Variants in C8orf34 observed in about 807,000 individuals in gnomAD.
C8orf34 encodes the protein uncharacterized protein C8orf34.
C8orf34 carries 65 observed loss-of-function variants against 68.3 expected under a neutral mutation model. The ratio of observed to expected loss-of-function variants is 0.95; its 90% confidence interval spans 0.78 to 1.17. The LOEUF (loss-of-function observed/expected upper bound fraction) is 1.17, where lower values mean the gene tolerates loss of function less well. Among genes scored for constraint, C8orf34 ranks in the 50% most tolerant of loss-of-function variants. C8orf34 has a pLI of 0.00. For missense variants in C8orf34, 664 were observed against 655.4 expected (o/e 1.01, Z -0.14); for synonymous variants, 244 against 241.2 (o/e 1.01, Z -0.11).
intron 1 of C8orf34, among the ~76,000 whole-genome samples, chr8:68,356,960 G>A (rs1224078161): frequency 6.6e-6 from 1 of 151,992 alleles, no homozygotes. Context: ...CATTTTATTT[G>A]TCTGTACATT....
Position 68,552,995 on chromosome 8 carries a change from A to G in C8orf34, c.1105+19846A>G, listed in dbSNP as rs1013386231. Among the ~76,000 whole-genome samples the G allele has an allele frequency of 2.0e-5, 3 of 152,244 alleles. No individual in the cohort carries two copies. In the South Asian group the frequency reaches 6.2e-4, roughly 32 times the overall value. Reference sequence around the variant, plus strand: ...GTTGAGGACTTTTGTATCTACGTCTATAAGAGATATTGTTGTTTTGTTTTA... The same window carrying G: ...GTTGAGGACTTTTGTATCTACGTCTGTAAGAGATATTGTTGTTTTGTTTTA... On this transcript the variant is annotated intron_variant, in intron 7 of 13. Coordinates refer to ENST00000518698, the MANE Select transcript of C8orf34 (RefSeq NM_052958.4).
At chr8:68,667,443 T>G (rs1819875044) in intron 8 of C8orf34, among the ~76,000 whole-genome samples, 1 of 152,172 alleles carries the variant, frequency 6.6e-6, no homozygotes, top group Non-Finnish European at 1.5e-5. Flanking sequence ...TACAGATTGT[T>G]TTTCACTTCT....
At chr8:68,569,790 C>T (rs537656269) in intron 7 of C8orf34, among the ~76,000 whole-genome samples, 3 of 152,178 alleles carry the variant, frequency 2.0e-5, no homozygotes, top group African/African-American at 4.8e-5. Flanking sequence ...AAACATACTA[C>T]GTTTACCTCA....
intron 8 of C8orf34, among the ~76,000 whole-genome samples, chr8:68,681,233 A>G (rs1820360221): frequency 6.6e-6 from 1 of 152,194 alleles, no homozygotes; most frequent in African/African-American, 2.4e-5. Context: ...AGTGGTCCTG[A>G]GGTGATGTAT....
At chr8:68,448,651 A>G (rs1436038368) in intron 3 of C8orf34, among the ~76,000 whole-genome samples, 3 of 152,140 alleles carry the variant, frequency 2.0e-5, no homozygotes, top group African/African-American at 7.2e-5. Flanking sequence ...AGATTGGAAA[A>G]ATAGAAATTG....
intron 12 of C8orf34, among the ~76,000 whole-genome samples, chr8:68,813,382 T>A (rs1009258321): frequency 4.6e-5 from 7 of 151,904 alleles, no homozygotes; most frequent in Non-Finnish European, 8.8e-5. Flanking sequence ...TTTTTTTTTT[T>A]ATTCTCTGTT....
Position 68,527,223 on chromosome 8 carries a change from G to C in C8orf34, c.938+5252G>C, listed in dbSNP as rs145024063. Among the ~76,000 whole-genome samples the C allele has an allele frequency of 8.5e-3, 1,299 of 152,182 alleles. 8 individuals are homozygous for C. The highest frequency in any genetic ancestry group is 0.017 in the South Asian group (81 of 4,820). On this transcript the variant is annotated intron_variant, in intron 6 of 13. Transcript: ENST00000518698. ...ACATAATGATATTAATTACCACTTAGAGGCTGCTCTATGTGCTTTGCATAT... is the reference window on the plus strand; with the variant it reads ...ACATAATGATATTAATTACCACTTACAGGCTGCTCTATGTGCTTTGCATAT...
At chr8:68,659,708 T>C (rs547580783) in intron 8 of C8orf34, among the ~76,000 whole-genome samples, 4 of 152,094 alleles carry the variant, frequency 2.6e-5, no homozygotes, top group Non-Finnish European at 5.9e-5. Context: ...CTTAAAAGAT[T>C]ACTTCAGTTT....
At chr8:68,583,277 T>G (rs2130365387) in intron 7 of C8orf34, among the ~76,000 whole-genome samples, 1 of 152,222 alleles carries the variant, frequency 6.6e-6, no homozygotes, top group Admixed American at 6.5e-5. Flanking sequence ...GGAAGATAAA[T>G]AGTACATATA....
chr8:68,372,214 A>G (rs1399611202), intron 1 of C8orf34, among the ~76,000 whole-genome samples: 1 of 152,220 alleles, frequency 6.6e-6, no homozygotes, highest in African/African-American at 2.4e-5. Flanking sequence ...TGGTAGTTCA[A>G]AAGACATAAT....
rs112180175 is a variant in C8orf34 at position 68,457,687 on chromosome 8, G to A, written c.608-11005G>A. On this transcript the variant is annotated intron_variant, in intron 3 of 13. Transcript: ENST00000518698. Reference sequence around the variant, plus strand: ...TGCTTTGTAACATAGTGTCCTCAGCGAAGACTGAGGAAAAGCTATTTGCAA... The same window carrying A: ...TGCTTTGTAACATAGTGTCCTCAGCAAAGACTGAGGAAAAGCTATTTGCAA... 4.8e-3 allele frequency among the ~76,000 whole-genome samples: 736 copies of A among 152,146 alleles called. 7 individuals carry two copies. Among genetic ancestry groups the A allele is most frequent in the African/African-American group, 0.016 (662 of 41,520 alleles).
chr8:68,624,921 T>TG (rs1554587344), intron 7 of C8orf34, among the ~76,000 whole-genome samples: 4 of 149,296 alleles, frequency 2.7e-5, no homozygotes, highest in African/African-American at 1.0e-4. Context: ...TTTTTTTTTT[T>TG]TTGTGTAGCT....
intron 8 of C8orf34, among the ~76,000 whole-genome samples, chr8:68,684,064 CCTT>C (rs750386555): frequency 6.6e-6 from 1 of 152,198 alleles, no homozygotes; most frequent in Non-Finnish European, 1.5e-5. Context: ...GCTTATTTCT[CCTT>C]CTGTTTCTTT....
chr8:68,794,496 TA>T (rs1563673964), intron 12 of C8orf34, among the ~76,000 whole-genome samples: 1 of 89,040 alleles, frequency 1.1e-5, no homozygotes, highest in African/African-American at 7.0e-5. Context: ...TATATATATA[TA>T]TATATATATT....
chr8:68,814,528 C>A (rs867931236), intron 12 of C8orf34, among the ~76,000 whole-genome samples: 1 of 152,182 alleles, frequency 6.6e-6, no homozygotes, highest in African/African-American at 2.4e-5. Flanking sequence ...ACAACCTCCA[C>A]CTTCAATCCA....
intron 1 of C8orf34, among the ~76,000 whole-genome samples, chr8:68,372,608 T>TA (rs1807607145): frequency 6.6e-6 from 1 of 152,206 alleles, no homozygotes; most frequent in South Asian, 2.1e-4. Flanking sequence ...GAGCATAACT[T>TA]ACTATTATTA....
intron 7 of C8orf34, among the ~76,000 whole-genome samples, chr8:68,602,076 A>G (rs1817714887): frequency 6.6e-6 from 1 of 152,080 alleles, no homozygotes; most frequent in Non-Finnish European, 1.5e-5. Context: ...GACACCAGGG[A>G]GGGGAGAAGC....
At chr8:68,487,844 A>G (rs930944021) in intron 4 of C8orf34, among the ~76,000 whole-genome samples, 179 bp from the exon 5 acceptor site, 2 of 152,218 alleles carry the variant, frequency 1.3e-5, no homozygotes, top group African/African-American at 4.8e-5. Context: ...AATTGACTTA[A>G]ATTCCTAATT....
At position 68,721,417 on chromosome 8, in the gene C8orf34, G is replaced by T. The variant is rs1158968832; in HGVS notation, c.1384G>T (p.Ala462Ser). Residue 462 changes from alanine (A) to serine (S), a missense_variant, in exon 10 of 14, where the codon GCA becomes TCA. Transcript: ENST00000518698. ...GGAGGAGGGTGACGAATTTGAGAAA[G>T]CATCTAAACTAACAGGACCTGTAAG... ...LMEEGDEFEKASKLTGPGEAS... is the reference protein window; with the variant it reads ...LMEEGDEFEKSSKLTGPGEAS... 1 of 1,608,158 alleles carries T rather than the reference G, an allele frequency of 6.2e-7. No homozygotes were observed.
Sources: allele counts gnomAD v4.1 joint callset (sites outside exome capture counted in the v4.1 genomes callset), GRCh38; gene constraint gnomAD v4.1.1; transcripts MANE v1.5; gene names NCBI Gene and HGNC (gene_info 2026-07-23, HGNC 2026-07-21).